The following PDE3B variants were observed in gnomAD, a reference collection of about 807,000 sequenced individuals.
PDE3B encodes the protein cGMP-inhibited 3',5'-cyclic phosphodiesterase 3B.
In PDE3B, 66 loss-of-function variants were observed where a neutral mutation model predicts 116.8. That is an observed-to-expected ratio of 0.56 (90% CI 0.46 to 0.69). The LOEUF (loss-of-function observed/expected upper bound fraction) is 0.69. Among genes scored for constraint, PDE3B ranks in the 30% least tolerant of loss-of-function variants. The pLI, the probability that PDE3B is intolerant of heterozygous loss-of-function variation, is 0.00. For missense variants in PDE3B, 1,384 were observed against 1,368.1 expected (o/e 1.01, Z -0.18); for synonymous variants, 595 against 533.6 (o/e 1.12, Z -1.59).
At chr11:14,852,975 A>G (rs1331999999) in intron 12 of PDE3B, among the ~76,000 whole-genome samples, 2 of 152,018 alleles carry the variant, frequency 1.3e-5, no homozygotes, top group African/African-American at 4.8e-5. Flanking sequence ...ATGTTCTGCA[A>G]GGCCCTACAT....
At chr11:14,661,984 A>G (rs1466962216) in intron 1 of PDE3B, among the ~76,000 whole-genome samples, 1 of 152,140 alleles carries the variant, frequency 6.6e-6, no homozygotes, top group African/African-American at 2.4e-5. Flanking sequence ...TGGAGATCTG[A>G]GAACGGGCAG....
chr11:14,676,912 C>T (rs12417788), intron 1 of PDE3B, among the ~76,000 whole-genome samples: 19,779 of 151,972 alleles, frequency 0.13, 1,501 homozygotes, highest in African/African-American at 0.2. Flanking sequence ...TTAAGCATCT[C>T]TAAGGTACTC....
chr11:14,755,542 T>A (rs1857161338), intron 1 of PDE3B, among the ~76,000 whole-genome samples: 1 of 152,128 alleles, frequency 6.6e-6, no homozygotes, highest in African/African-American at 2.4e-5. Flanking sequence ...GAAAAGACAT[T>A]TTCAAAAATG....
At position 14,819,129 on chromosome 11, in the gene PDE3B, C is replaced by T. The variant is rs1392323564; in HGVS notation, c.1734-7C>T. On this transcript the variant is annotated splice_polypyrimidine_tract_variant and splice_region_variant and intron_variant, in intron 6 of 15. Coordinates refer to ENST00000282096, the MANE Select transcript of PDE3B (RefSeq NM_000922.4). ...ACCGTATATATTTATCTATTTTATTCTATAAGCTGTGGACATCAAATGCTG... is the reference window on the plus strand; with the variant it reads ...ACCGTATATATTTATCTATTTTATTTTATAAGCTGTGGACATCAAATGCTG... 1.3e-6 allele frequency: 2 copies of T among 1,534,328 alleles called. No individual in the cohort carries two copies. Among genetic ancestry groups the T allele is most frequent in the Admixed American group, 1.7e-5 (1 of 59,740 alleles).
At chr11:14,883,539 T>C in the PDE3B span, among the ~76,000 whole-genome samples, 1 of 151,528 alleles carries the variant, frequency 6.6e-6, no homozygotes, top group African/African-American at 2.4e-5. Context: ...TAATTCAAGA[T>C]GGATTAAAGA....
chr11:14,714,724 C>T (rs1855826029), intron 1 of PDE3B, among the ~76,000 whole-genome samples: 1 of 151,998 alleles, frequency 6.6e-6, no homozygotes, highest in African/African-American at 2.4e-5. Context: ...CCACACATAG[C>T]TATTGAGTCC....
At chr11:14,849,953 A>G (rs1363484299) in intron 12 of PDE3B, among the ~76,000 whole-genome samples, 1 of 152,088 alleles carries the variant, frequency 6.6e-6, no homozygotes, top group African/African-American at 2.4e-5. Flanking sequence ...ATCTAGAACT[A>G]GAAATACCAT....
chr11:14,664,193 A>G (rs1051833125), intron 1 of PDE3B, among the ~76,000 whole-genome samples: 1 of 152,256 alleles, frequency 6.6e-6, no homozygotes, highest in African/African-American at 2.4e-5. Context: ...ATGAAGGCAG[A>G]AATAAAGATG....
chr11:14,643,933 C>T lies in PDE3B; in HGVS notation c.-143C>T, dbSNP rs531027864. ...CTCCTCAGTCCGCGCGGTGGGGACC[C>T]CGGGCCGTGGCGGCCGGCGCAGCCC... is the stretch of plus-strand genomic sequence containing the variant. On this transcript the variant is annotated 5_prime_UTR_variant, in exon 1 of 16. Transcript: ENST00000282096. 28 of 1,258,810 alleles carry T rather than the reference C, an allele frequency of 2.2e-5. No homozygotes were observed. Among genetic ancestry groups the T allele is most frequent in the Non-Finnish European group, 2.8e-5 (27 of 976,194 alleles). The allele number at this position is 1,258,810 out of a possible 1,614,324, so 78.0% of individuals were successfully genotyped here.
intron 5 of PDE3B, among the ~76,000 whole-genome samples, chr11:14,805,971 T>A (rs930103830): frequency 6.6e-6 from 1 of 152,210 alleles, no homozygotes; most frequent in Non-Finnish European, 1.5e-5. Flanking sequence ...AGAATGGCGA[T>A]CACTAAAAAG....
chr11:14,780,679 A>C (rs578107175), intron 2 of PDE3B, among the ~76,000 whole-genome samples: 59 of 152,310 alleles, frequency 3.9e-4, no homozygotes, highest in African/African-American at 1.4e-3. Context: ...TGTAGAGGGA[A>C]ATTTATAGCA....
intron 4 of PDE3B, among the ~76,000 whole-genome samples, chr11:14,799,757 CTT>C (rs60506229): frequency 0.47 from 51,044 of 107,802 alleles, 8,599 homozygotes; most frequent in Admixed American, 0.51. Context: ...CAACTCCTGC[CTT>C]TTTTTTTTTT....
chr11:14,752,770 G>GTAC (rs764549733), intron 1 of PDE3B, among the ~76,000 whole-genome samples: 1 of 151,910 alleles, frequency 6.6e-6, no homozygotes, highest in Non-Finnish European at 1.5e-5. Context: ...ACTTGTCTTT[G>GTAC]TACAAGTCAA....
Position 14,844,418 on chromosome 11 carries a change from G to C in PDE3B, c.2520+392G>C, listed in dbSNP as rs190245133. Among the ~76,000 whole-genome samples, 52 of 152,340 alleles carry C rather than the reference G, an allele frequency of 3.4e-4. No homozygotes were observed. The East Asian group carries it at 9.3e-3, about 27-fold the overall frequency. On this transcript the variant is annotated intron_variant, in intron 12 of 15. Transcript: ENST00000282096. ...TCCCAGCGTGAGTGACGCAGAAGAC[G>C]GGTGATTTCTGCATTTCCATCGGAG...
intron 7 of PDE3B, among the ~76,000 whole-genome samples, chr11:14,823,252 A>G (rs1340487862): frequency 6.6e-6 from 1 of 152,214 alleles, no homozygotes; most frequent in Non-Finnish European, 1.5e-5. Flanking sequence ...ATGGGAAAGC[A>G]GCTAGACTGC....
chr11:14,753,828 A>G (rs1036089221), intron 1 of PDE3B, among the ~76,000 whole-genome samples: 3 of 151,926 alleles, frequency 2.0e-5, no homozygotes, highest in African/African-American at 7.2e-5. Flanking sequence ...GATTTTAAAA[A>G]CTCCACTTGA....
intron 12 of PDE3B, among the ~76,000 whole-genome samples, chr11:14,847,858 C>A (rs1311099652): frequency 6.6e-6 from 1 of 152,028 alleles, no homozygotes; most frequent in Non-Finnish European, 1.5e-5. Context: ...AGCTTACCAA[C>A]CAAAAAGAGT....
At chr11:14,776,029 TAGAA>T (rs1338497535) in intron 2 of PDE3B, 9 of 152,086 alleles carry the variant, frequency 5.9e-5, no homozygotes, top group East Asian at 1.9e-4. Flanking sequence ...CTACAAAAAA[TAGAA>T]AGAGGAAGGC....
rs995470043 is a variant in PDE3B at position 14,818,491 on chromosome 11, C to A, written c.1733+98C>A. ...GGTTCTTGGAAACTCCAGCTTTAAG[C>A]TAAATGACCATAGTTTTTTTCGGTG... is the stretch of plus-strand genomic sequence containing the variant. On this transcript the variant is annotated intron_variant, in intron 6 of 15. Coordinates refer to ENST00000282096, the MANE Select transcript of PDE3B (RefSeq NM_000922.4). The A allele has an allele frequency of 7.0e-6, 5 of 710,194 alleles. No homozygotes were observed. In the African/African-American group the frequency reaches 7.2e-5, roughly 10 times the overall value. The allele number at this position is 710,194 out of a possible 1,614,324, so 44.0% of individuals were successfully genotyped here.
Sources: allele counts gnomAD v4.1 joint callset (sites outside exome capture counted in the v4.1 genomes callset), GRCh38; gene constraint gnomAD v4.1.1; transcripts MANE v1.5; gene names NCBI Gene and HGNC (gene_info 2026-07-23, HGNC 2026-07-21).